The following DIP2C variants were observed in gnomAD, a reference collection of about 807,000 sequenced individuals.
DIP2C encodes disco-interacting protein 2 homolog C.
Under a neutral mutation model 192.4 loss-of-function variants are expected in DIP2C, and 33 were observed. That is an observed-to-expected ratio of 0.17 (90% CI 0.13 to 0.23). The LOEUF is 0.23. Among genes scored for constraint, DIP2C ranks in the 10% least tolerant of loss-of-function variants. The pLI, the probability that DIP2C is intolerant of heterozygous loss-of-function variation, is 1.00. For synonymous variants in DIP2C, 979 were observed against 864.1 expected, an observed-to-expected ratio of 1.13 and a Z score of -2.33; for missense variants, 1,537 against 2,110.1, an observed-to-expected ratio of 0.73 and a Z score of 5.32.
In DIP2C at chr10:472,508, T is replaced by C. The variant is rs1247260915; in HGVS notation, c.199A>G (p.Thr67Ala). The C allele has an allele frequency of 6.2e-7, 1 of 1,613,520 alleles. No individual in the cohort carries two copies. Among genetic ancestry groups the C allele is most frequent in the Non-Finnish European group, 8.5e-7 (1 of 1,179,858 alleles). Residue 67 changes from threonine to alanine, a missense_variant, in exon 3 of 37, where the codon ACT becomes GCT. Transcript: ENST00000280886. ...ALPQERRAPV[T>A]PSSASRYHRR... ...TGGTAGCGAGAGGCGGAGGAAGGAG[T>C]GACAGGAGCCCGGCGTTCTTGCGGC...
chr10:497,714 T>A (rs78147763), intron 1 of DIP2C, among the ~76,000 whole-genome samples: 3,285 of 152,244 alleles, frequency 0.022, 77 homozygotes, highest in African/African-American at 0.054. Flanking sequence ...TCCGGTAATG[T>A]TAGGGCACCT....
At chr10:686,937 T>G (rs1277437476) in intron 1 of DIP2C, among the ~76,000 whole-genome samples, 2 of 152,280 alleles carry the variant, frequency 1.3e-5, no homozygotes, top group East Asian at 3.8e-4. Flanking sequence ...CTCTACTCTT[T>G]CCTTCAGTCT....
chr10:545,413 C>T (rs1177273949), intron 1 of DIP2C, among the ~76,000 whole-genome samples: 1 of 152,072 alleles, frequency 6.6e-6, no homozygotes, highest in Non-Finnish European at 1.5e-5. Context: ...ACCTCGGCCT[C>T]CCAAAATGCT....
At chr10:485,087 G>C in intron 2 of DIP2C, 1 of 1,163,552 alleles carries the variant, frequency 8.6e-7, no homozygotes, top group South Asian at 1.7e-5. Context: ...ACCGCCCTCT[G>C]CGCCCGGCTA....
At chr10:639,468 G>T (rs1282240062) in intron 1 of DIP2C, among the ~76,000 whole-genome samples, 1 of 149,928 alleles carries the variant, frequency 6.7e-6, no homozygotes, top group African/African-American at 2.4e-5. Context: ...CCGGCTCACG[G>T]TCCACACATG....
chr10:560,116 A>C (rs1179050889), intron 1 of DIP2C, among the ~76,000 whole-genome samples: 1 of 151,968 alleles, frequency 6.6e-6, no homozygotes, highest in Non-Finnish European at 1.5e-5. Context: ...AAACCAAGAC[A>C]ATCATGATTT....
chr10:671,428 G>A (rs1262044034), intron 1 of DIP2C, among the ~76,000 whole-genome samples: 13 of 119,264 alleles, frequency 1.1e-4, no homozygotes, highest in African/African-American at 3.4e-5. Context: ...CGGAGGAAAC[G>A]TCACAGACGC....
chr10:484,303 T>C (rs563298525), intron 2 of DIP2C, among the ~76,000 whole-genome samples: 1 of 152,328 alleles, frequency 6.6e-6, no homozygotes, highest in East Asian at 1.9e-4. Context: ...TCTAAGAACA[T>C]ACTCTATGAT....
At position 384,621 on chromosome 10, in the gene DIP2C, G is replaced by A; in HGVS notation, c.1681C>T (p.His561Tyr). The A allele has an allele frequency of 6.2e-7, 1 of 1,613,958 alleles. No individual in the cohort carries two copies. Among genetic ancestry groups the A allele is most frequent in the Non-Finnish European group, 8.5e-7 (1 of 1,180,026 alleles). Residue 561 changes from histidine to tyrosine, a missense_variant, in exon 15 of 37, where the codon CAT becomes TAT. By Grantham distance (83) the His-to-Tyr change is moderately conservative. This residue lies in a region of DIP2C where 677 missense variants were observed against 989.9 expected (regional missense o/e 0.68). Coordinates refer to ENST00000280886, the MANE Select transcript of DIP2C (RefSeq NM_014974.3). ...GILTSVMNMMHVISIPYSLMK... is the reference protein window; with the variant it reads ...GILTSVMNMMYVISIPYSLMK... Reference sequence around the variant, plus strand: ...AGCGAGTACGGGATGCTGATCACATGCATCATGTTCATGACGCTCTGCAAT... The same window carrying A: ...AGCGAGTACGGGATGCTGATCACATACATCATGTTCATGACGCTCTGCAAT...
At chr10:495,388 G>A (rs1475209646) in intron 1 of DIP2C, among the ~76,000 whole-genome samples, 4 of 152,146 alleles carry the variant, frequency 2.6e-5, no homozygotes, top group African/African-American at 7.2e-5. Flanking sequence ...TAAGAGAATG[G>A]ATCTTCTGTA....
At chr10:663,168 G>C (rs964454687) in intron 1 of DIP2C, 1 of 453,816 alleles carries the variant, frequency 2.2e-6, no homozygotes, top group Admixed American at 3.8e-5. Context: ...GCAATTCTAT[G>C]TCCAGTGTAA....
intron 10 of DIP2C, among the ~76,000 whole-genome samples, chr10:397,673 C>T (rs1964104942): frequency 6.6e-6 from 1 of 152,224 alleles, no homozygotes; most frequent in South Asian, 2.1e-4. Flanking sequence ...GGAGCAGCAG[C>T]GTGACCTGCA....
chr10:485,494 C>T (rs1474206331), intron 2 of DIP2C, among the ~76,000 whole-genome samples: 2 of 152,218 alleles, frequency 1.3e-5, no homozygotes, highest in African/African-American at 4.8e-5. Flanking sequence ...ACTGTTACAT[C>T]ACTGTCTCAA....
chr10:343,851 A>C (rs1436336509), intron 28 of DIP2C, among the ~76,000 whole-genome samples: 1 of 152,238 alleles, frequency 6.6e-6, no homozygotes, highest in Non-Finnish European at 1.5e-5. Flanking sequence ...TAAGCGCTGG[A>C]GATGAACCGA....
At chr10:671,797 CAG>C (rs1159094146) in intron 1 of DIP2C, among the ~76,000 whole-genome samples, 4 of 103,908 alleles carry the variant, frequency 3.8e-5, no homozygotes, top group Admixed American at 1.1e-4. Flanking sequence ...ACGGAGGAAA[CAG>C]GCCACAGACG....
At chr10:340,042 G>A (rs1257095822) in intron 29 of DIP2C, among the ~76,000 whole-genome samples, 6 of 152,128 alleles carry the variant, frequency 3.9e-5, no homozygotes, top group African/African-American at 1.2e-4. Flanking sequence ...TTAGCAGGGC[G>A]TGGTGGCAGG....
At chr10:460,584 A>G (rs1241848158) in intron 3 of DIP2C, among the ~76,000 whole-genome samples, 1 of 152,162 alleles carries the variant, frequency 6.6e-6, no homozygotes, top group Non-Finnish European at 1.5e-5. Flanking sequence ...CTGGGCTGCT[A>G]AAATTCAGTC....
At chr10:458,525 C>T (rs1034028502) in intron 3 of DIP2C, among the ~76,000 whole-genome samples, 1 of 147,620 alleles carries the variant, frequency 6.8e-6, no homozygotes, top group Non-Finnish European at 1.5e-5. Flanking sequence ...CAAGGATGCC[C>T]TCTACATTCC....
chr10:466,628 A>G (rs373047020), intron 3 of DIP2C, among the ~76,000 whole-genome samples: 3 of 145,954 alleles, frequency 2.1e-5, no homozygotes, highest in East Asian at 2.0e-4. Flanking sequence ...GAAAATTTTC[A>G]CAACCTACTC....
Sources: allele counts gnomAD v4.1 joint callset (sites outside exome capture counted in the v4.1 genomes callset), GRCh38; gene constraint gnomAD v4.1.1; regional missense constraint gnomAD v4.1.1; transcripts MANE v1.5; gene names NCBI Gene and HGNC (gene_info 2026-07-23, HGNC 2026-07-21).